Variants in ME1 observed in about 807,000 individuals in gnomAD.
The protein encoded by ME1 is malic enzyme 1, also known as NADP-dependent malic enzyme.
A neutral mutation model predicts 66.4 loss-of-function variants in ME1; 74 were observed. The observed-to-expected ratio is 1.11, with a 90% CI of 0.92 to 1.35. ME1 has a LOEUF of 1.35. Ranked by LOEUF, ME1 falls within the 40% of genes most tolerant of loss-of-function variation. ME1 has a pLI of 0.00. For synonymous variants in ME1, 251 were observed against 235.6 expected (o/e 1.07, Z -0.60); for missense variants, 750 against 694.1 (o/e 1.08, Z -0.90).
intron 6 of ME1, among the ~76,000 whole-genome samples, chr6:83,271,126 C>T (rs1270506758): frequency 6.6e-6 from 1 of 152,018 alleles, no homozygotes. Flanking sequence ...GACGAATGGG[C>T]CCATAATTTG....
intron 5 of ME1, among the ~76,000 whole-genome samples, chr6:83,325,782 C>A (rs756344914): frequency 6.6e-6 from 1 of 151,926 alleles, no homozygotes; most frequent in Non-Finnish European, 1.5e-5. Context: ...TGAAACTGAC[C>A]ATAGGGCCCA....
rs370574181 is a variant in ME1, at chr6:83,240,741, C to T, written c.815-1105G>A. 2.6e-5 allele frequency among the ~76,000 whole-genome samples: 4 copies of T among 152,168 alleles called. No homozygotes were observed. In the South Asian group the frequency reaches 6.2e-4, roughly 24 times the overall value. ...AGACTAGGTTTGATGAATGACACAA[C>T]GATGAAGCGTTATGTATGTCAAGTA... On this transcript the variant is annotated intron_variant, in intron 7 of 13. Coordinates refer to ENST00000369705, the MANE Select transcript of ME1 (RefSeq NM_002395.6).
At chr6:83,289,575 G>T (rs973352841) in intron 6 of ME1, among the ~76,000 whole-genome samples, 3 of 152,164 alleles carry the variant, frequency 2.0e-5, no homozygotes, top group African/African-American at 7.2e-5. Flanking sequence ...GTTCATCAGG[G>T]ATATTGGCCT....
chr6:83,248,010 T>G (rs1156538084), intron 7 of ME1, among the ~76,000 whole-genome samples: 2 of 152,166 alleles, frequency 1.3e-5, no homozygotes, highest in Non-Finnish European at 2.9e-5. Context: ...TATTATGCTG[T>G]GGATCCTCAG....
chr6:83,365,009 C>T (rs886152961), intron 3 of ME1, among the ~76,000 whole-genome samples: 1 of 152,200 alleles, frequency 6.6e-6, no homozygotes. Flanking sequence ...GGGGCTCTGT[C>T]ACCTGGCACT....
chr6:83,414,799 T>C (rs920951058), intron 1 of ME1, among the ~76,000 whole-genome samples: 2 of 152,212 alleles, frequency 1.3e-5, no homozygotes, highest in African/African-American at 4.8e-5. Context: ...CTTGAAATCA[T>C]TGAAATCATT....
intron 7 of ME1, among the ~76,000 whole-genome samples, chr6:83,247,912 A>G (rs1214458758): frequency 6.6e-6 from 1 of 152,224 alleles, no homozygotes; most frequent in African/African-American, 2.4e-5. Flanking sequence ...ATAAAAGACT[A>G]TATATGTGCA....
chr6:83,315,980 A>C (rs1768023572), intron 5 of ME1, among the ~76,000 whole-genome samples: 1 of 152,208 alleles, frequency 6.6e-6, no homozygotes, highest in Non-Finnish European at 1.5e-5. Flanking sequence ...GAGGAAAAGA[A>C]AAAAATAAAA....
At chr6:83,310,845 G>A (rs964390593) in intron 6 of ME1, among the ~76,000 whole-genome samples, 1 of 152,100 alleles carries the variant, frequency 6.6e-6, no homozygotes, top group African/African-American at 2.4e-5. Context: ...GTAGCTGCTG[G>A]GTAGAGAAAG....
At position 83,398,469 on chromosome 6, in the gene ME1, TAA is replaced by T; in HGVS notation, c.258_259del (p.Phe86LeufsTer2). ...CTCAATGTCAGATGTCAGCACTCTA[TAA>T]AAGAGTTTTTCATTTCTATCTTGGA... On this transcript the variant is annotated frameshift_variant, in exon 3 of 14. Transcript: ENST00000369705. LOFTEE classifies it high-confidence loss of function. 1.9e-6 allele frequency: 3 copies of T among 1,584,456 alleles called. No individual in the cohort carries two copies. The highest frequency in any genetic ancestry group is 1.7e-6 in the Non-Finnish European group (2 of 1,161,194).
chr6:83,278,149 C>T (rs1767223233), intron 6 of ME1, among the ~76,000 whole-genome samples: 1 of 152,078 alleles, frequency 6.6e-6, no homozygotes, highest in Admixed American at 6.5e-5. Flanking sequence ...ACTAGAAAGA[C>T]AGGCAAATAC....
intron 5 of ME1, among the ~76,000 whole-genome samples, chr6:83,319,100 C>A (rs1261446943): frequency 1.3e-5 from 2 of 148,382 alleles, no homozygotes; most frequent in Admixed American, 6.8e-5. Context: ...GGGAACTGAA[C>A]AATGAGAACA....
At chr6:83,275,464 CTTTTTTT>C (rs767009219) in intron 6 of ME1, among the ~76,000 whole-genome samples, 1 of 119,726 alleles carries the variant, frequency 8.4e-6, no homozygotes, top group Non-Finnish European at 1.7e-5. Context: ...TAGTTTTGAT[CTTTTTTT>C]TTTTTTTTTT....
intron 6 of ME1, among the ~76,000 whole-genome samples, chr6:83,300,034 T>C (rs1767685408): frequency 6.6e-6 from 1 of 152,156 alleles, no homozygotes; most frequent in African/African-American, 2.4e-5. Context: ...CGCATCAATG[T>C]TCATCAGGGA....
chr6:83,393,060 G>A, intron 3 of ME1: 3 of 1,427,714 alleles, frequency 2.1e-6, no homozygotes, highest in Admixed American at 1.8e-5. Flanking sequence ...TGTGAGGAAG[G>A]TCATCCCTGA....
At chr6:83,314,473 T>A (rs1003789334) in intron 6 of ME1, among the ~76,000 whole-genome samples, 1 of 152,204 alleles carries the variant, frequency 6.6e-6, no homozygotes, top group Admixed American at 6.5e-5. Context: ...ATAATGGTGA[T>A]GCCAAACAAC....
chr6:83,402,373 T>C (rs952054304), intron 2 of ME1, among the ~76,000 whole-genome samples: 24 of 152,034 alleles, frequency 1.6e-4, no homozygotes, highest in African/African-American at 5.8e-4. Context: ...TAGCAAAATT[T>C]CTCCTTTCTA....
At chr6:83,255,004 T>C (rs1456023046) in intron 6 of ME1, among the ~76,000 whole-genome samples, 2 of 152,124 alleles carry the variant, frequency 1.3e-5, no homozygotes, top group African/African-American at 4.8e-5. Flanking sequence ...AAGCAGATGA[T>C]TTTTCTCTCT....
At chr6:83,370,753 G>A (rs1162903549) in intron 3 of ME1, among the ~76,000 whole-genome samples, 1 of 151,968 alleles carries the variant, frequency 6.6e-6, no homozygotes, top group Non-Finnish European at 1.5e-5. Context: ...TACTGGCAAC[G>A]CAAAGAAAAA....
Sources: gnomAD v4.1 joint callset for allele counts (sites outside exome capture counted in the v4.1 genomes callset) on GRCh38, gnomAD v4.1.1 for gene constraint, MANE v1.5 for transcripts, NCBI Gene and HGNC (gene_info 2026-07-23, HGNC 2026-07-21) for gene names.